MSRA: variants seen among roughly 807,000 people sequenced by gnomAD.
MSRA encodes mitochondrial peptide methionine sulfoxide reductase.
A neutral mutation model predicts 31.3 loss-of-function variants in MSRA; 54 were observed. That is an observed-to-expected ratio of 1.73 (90% CI 1.39 to 2.17). The LOEUF (loss-of-function observed/expected upper bound fraction) is 2.17. Among genes scored for constraint, MSRA ranks in the 30% most tolerant of loss-of-function variants. The pLI is 0.00. For missense variants in MSRA, 507 were observed against 300.9 expected, an observed-to-expected ratio of 1.69 and a Z score of -5.07; for synonymous variants, 169 against 116.5, an observed-to-expected ratio of 1.45 and a Z score of -2.90.
intron 5 of MSRA, among the ~76,000 whole-genome samples, chr8:10,333,886 G>T (rs566440399): frequency 3.3e-5 from 5 of 152,222 alleles, no homozygotes; most frequent in Middle Eastern, 3.4e-3. Context: ...CACAAGGCAG[G>T]CACTCTGTGA....
intron 2 of MSRA, among the ~76,000 whole-genome samples, chr8:10,238,053 C>G (rs1347541182): frequency 3.3e-5 from 5 of 152,190 alleles, no homozygotes; most frequent in Admixed American, 6.5e-5. Flanking sequence ...TTAACCATCC[C>G]ACAAGGTCCT....
At chr8:10,296,137 C>G (rs1368728051) in intron 3 of MSRA, among the ~76,000 whole-genome samples, 2 of 152,078 alleles carry the variant, frequency 1.3e-5, no homozygotes, top group African/African-American at 4.8e-5. Context: ...GCTGCAGTCT[C>G]CAGCAGAGGA....
intron 5 of MSRA, among the ~76,000 whole-genome samples, chr8:10,367,168 G>T (rs757333861): frequency 6.6e-6 from 1 of 152,128 alleles, no homozygotes; most frequent in Non-Finnish European, 1.5e-5. Flanking sequence ...GTGGATCCAC[G>T]CTGTCTACAC....
intron 1 of MSRA, among the ~76,000 whole-genome samples, chr8:10,086,782 T>TG (rs1798577855): frequency 6.6e-6 from 1 of 151,474 alleles, no homozygotes; most frequent in Non-Finnish European, 1.5e-5. Flanking sequence ...GTAATGACTA[T>TG]GTATATACTA....
intron 1 of MSRA, among the ~76,000 whole-genome samples, chr8:10,071,462 T>TC (rs956059865): frequency 6.1e-5 from 9 of 146,676 alleles, no homozygotes; most frequent in African/African-American, 2.2e-4. Flanking sequence ...AATTTTCTTT[T>TC]TTTTTTTTTT....
chr8:10,381,587 G>C (rs1806073310), intron 5 of MSRA, among the ~76,000 whole-genome samples: 1 of 152,220 alleles, frequency 6.6e-6, no homozygotes, highest in African/African-American at 2.4e-5. Flanking sequence ...GCTGGTAGAG[G>C]TGGGAACGAA....
chr8:10,359,547 A>T (rs1328945663), intron 5 of MSRA, among the ~76,000 whole-genome samples: 1 of 151,220 alleles, frequency 6.6e-6, no homozygotes, highest in Non-Finnish European at 1.5e-5. Flanking sequence ...CTCCTTCTCC[A>T]CCTCCTCCTC....
intron 5 of MSRA, among the ~76,000 whole-genome samples, chr8:10,379,763 G>A (rs560524752): frequency 6.6e-6 from 1 of 152,318 alleles, no homozygotes; most frequent in South Asian, 2.1e-4. Context: ...TAACCCTCAG[G>A]GTTTCTTTTA....
intron 2 of MSRA, among the ~76,000 whole-genome samples, chr8:10,240,312 G>A (rs1194697779): frequency 2.6e-5 from 4 of 152,186 alleles, no homozygotes; most frequent in Non-Finnish European, 4.4e-5. Flanking sequence ...GCAGTAGCTA[G>A]GTGGACCTTG....
intron 5 of MSRA, among the ~76,000 whole-genome samples, chr8:10,350,776 C>A (rs968826635): frequency 6.6e-6 from 1 of 152,162 alleles, no homozygotes; most frequent in African/African-American, 2.4e-5. Flanking sequence ...AGCCGACTTA[C>A]CCCCGAGGCC....
chr8:10,353,878 T>A, intron 5 of MSRA: 1 of 216,956 alleles, frequency 4.6e-6, no homozygotes, highest in Non-Finnish European at 9.3e-6. Context: ...TCAGAAAATA[T>A]GAAGACAAAA....
chr8:10,364,419 A>C (rs1805040287), intron 5 of MSRA, among the ~76,000 whole-genome samples: 3 of 152,180 alleles, frequency 2.0e-5, no homozygotes, highest in Admixed American at 6.5e-5. Flanking sequence ...AATCTCCATC[A>C]CACTTGGCCA....
At chr8:10,097,023 T>C (rs915790101) in intron 1 of MSRA, among the ~76,000 whole-genome samples, 1 of 152,238 alleles carries the variant, frequency 6.6e-6, no homozygotes, top group African/African-American at 2.4e-5. Flanking sequence ...GTTTGGAGTA[T>C]GTAATCATTG....
intron 5 of MSRA, among the ~76,000 whole-genome samples, chr8:10,323,770 G>GTGTGTGTGTGTGTGTC (rs1390517566): frequency 6.6e-6 from 1 of 151,562 alleles, no homozygotes; most frequent in Non-Finnish European, 1.5e-5. Flanking sequence ...GTGTGTGTGT[G>GTGTGTGTGTGTGTGTC]TGTGTCTGTG....
At chr8:10,314,232 A>G (rs1801592432) in intron 4 of MSRA, among the ~76,000 whole-genome samples, 1 of 152,196 alleles carries the variant, frequency 6.6e-6, no homozygotes, top group African/African-American at 2.4e-5. Context: ...AAAAATAAAA[A>G]ATAACAAATT....
intron 5 of MSRA, among the ~76,000 whole-genome samples, chr8:10,426,351 G>C (rs1172226650): frequency 2.0e-5 from 3 of 152,180 alleles, no homozygotes; most frequent in African/African-American, 7.2e-5. Flanking sequence ...GGCTGTTCGC[G>C]TGAAGGTCAG....
In MSRA at chr8:10,057,074, A is replaced by T. The variant is rs190286063; in HGVS notation, c.142+2416A>T. On this transcript the variant is annotated intron_variant, in intron 1 of 5. Coordinates refer to ENST00000317173, the MANE Select transcript of MSRA (RefSeq NM_012331.5). ...GTGACCAAGATTTCCACCTTGCAAGAAGGAAAGAGTCAAACCTTCAAAGTT... is the reference window on the plus strand; with the variant it reads ...GTGACCAAGATTTCCACCTTGCAAGTAGGAAAGAGTCAAACCTTCAAAGTT... 4.2e-3 allele frequency among the ~76,000 whole-genome samples: 636 copies of T among 152,344 alleles called. 16 individuals carry two copies. The highest frequency in any genetic ancestry group is 0.038 in the Admixed American group (588 of 15,302).
At chr8:10,380,846 G>T (rs1478577310) in intron 5 of MSRA, among the ~76,000 whole-genome samples, 2 of 150,850 alleles carry the variant, frequency 1.3e-5, no homozygotes, top group African/African-American at 4.9e-5. Flanking sequence ...GGAATGGAAT[G>T]CTGGCTGGCT....
chr8:10,284,304 T>C (rs1799816515), intron 3 of MSRA, among the ~76,000 whole-genome samples: 1 of 152,126 alleles, frequency 6.6e-6, no homozygotes, highest in African/African-American at 2.4e-5. Context: ...TTCTCCTGCC[T>C]CAGCCTCCCG....
Sources: gnomAD v4.1 joint callset for allele counts (sites outside exome capture counted in the v4.1 genomes callset) on GRCh38, gnomAD v4.1.1 for gene constraint, MANE v1.5 for transcripts, NCBI Gene and HGNC (gene_info 2026-07-23, HGNC 2026-07-21) for gene names.